SMAD3: variants seen among roughly 807,000 people sequenced by gnomAD.
SMAD3 encodes the protein MAD homolog 3.
Under a neutral mutation model 51.8 loss-of-function variants are expected in SMAD3, and 12 were observed. That is an observed-to-expected ratio of 0.23 (90% confidence interval 0.15 to 0.38). The LOEUF is 0.38. Ranked by LOEUF, SMAD3 falls within the 10% of genes least tolerant of loss-of-function variation. The pLI is 1.00. For missense variants in SMAD3, 294 were observed against 565.6 expected, an observed-to-expected ratio of 0.52 and a Z score of 4.87; for synonymous variants, 238 against 227.7, an observed-to-expected ratio of 1.05 and a Z score of -0.41.
rs1374721238 is a variant in SMAD3, at chr15:67,190,983, C to G, written c.*447C>G. On this transcript the variant is annotated 3_prime_UTR_variant, in exon 9 of 9. Transcript: ENST00000327367. ...CGCAGGGCCATGCAGACCTCATGCC[C>G]AGCTCTCTGACGCTTGTGACAGTGC... 4.0e-6 allele frequency: 1 copy of G among 250,608 alleles called. No individual in the cohort carries two copies. Among genetic ancestry groups the G allele is most frequent in the Non-Finnish European group, 7.8e-6 (1 of 127,946 alleles). 15.5% of individuals were successfully genotyped at this position (250,608 alleles called of 1,614,324 possible).
chr15:67,183,026 TA>T (rs1567000839), intron 6 of SMAD3, among the ~76,000 whole-genome samples: 86 of 69,708 alleles, frequency 1.2e-3, no homozygotes, highest in East Asian at 4.0e-3. Flanking sequence ...TATATATATA[TA>T]TATATTTTTT....
At chr15:67,183,000 A>AAATATAT (rs61323717) in intron 6 of SMAD3, among the ~76,000 whole-genome samples, 4 of 43,648 alleles carry the variant, frequency 9.2e-5, no homozygotes, top group Non-Finnish European at 1.5e-4. Context: ...AAAAAAAAAA[A>AAATATAT]ATATATATAT....
intron 1 of SMAD3, among the ~76,000 whole-genome samples, chr15:67,147,332 C>G (rs1411811539): frequency 1.3e-5 from 2 of 152,220 alleles, no homozygotes; most frequent in African/African-American, 4.8e-5. Context: ...CCACTCTGTT[C>G]TTTCTGCTCT....
chr15:67,130,422 G>A (rs1961496898), intron 1 of SMAD3, among the ~76,000 whole-genome samples: 1 of 152,166 alleles, frequency 6.6e-6, no homozygotes, highest in Non-Finnish European at 1.5e-5. Context: ...GGGCAAGTGA[G>A]CATTACGGCC....
At chr15:67,127,719 AT>A (rs1961425355) in intron 1 of SMAD3, among the ~76,000 whole-genome samples, 1 of 152,150 alleles carries the variant, frequency 6.6e-6, no homozygotes, top group Non-Finnish European at 1.5e-5. Context: ...TTGTACATCC[AT>A]TTATTCACCC....
At chr15:67,150,980 C>T (rs1348133020) in intron 1 of SMAD3, among the ~76,000 whole-genome samples, 1 of 148,816 alleles carries the variant, frequency 6.7e-6, no homozygotes. Flanking sequence ...CTCAGCCTCC[C>T]CAGTAGCTGG....
intron 1 of SMAD3, among the ~76,000 whole-genome samples, chr15:67,077,252 T>C (rs79559143): frequency 0.06 from 9,129 of 152,026 alleles, 382 homozygotes; most frequent in East Asian, 0.15. Flanking sequence ...TATGTATGTA[T>C]GTATGTATTT....
chr15:67,166,892 T>G (rs1482465743), intron 4 of SMAD3, 39 bp downstream of exon 4: 1 of 1,490,762 alleles, frequency 6.7e-7, no homozygotes, highest in African/African-American at 1.4e-5. Flanking sequence ...CTTAACTGAT[T>G]AGCAGCTGGT....
chr15:67,152,756 A>G (rs1016409637), intron 1 of SMAD3, among the ~76,000 whole-genome samples: 5 of 152,132 alleles, frequency 3.3e-5, no homozygotes, highest in African/African-American at 1.2e-4. Context: ...AGCATCTTTT[A>G]TTTGTGACTT....
In SMAD3 at chr15:67,192,769, A is replaced by C; in HGVS notation, c.*2233A>C. On this transcript the variant is annotated 3_prime_UTR_variant, in exon 9 of 9. Coordinates refer to ENST00000327367, the MANE Select transcript of SMAD3 (RefSeq NM_005902.4). ...TCTTACTCCAGGTGAAGGGGGAAAA[A>C]AAAAGCCTATACTTTGGCAGGTTAT... 1 of 233,272 alleles carries C rather than the reference A, an allele frequency of 4.3e-6. No homozygotes were observed. Among genetic ancestry groups the C allele is most frequent in the Non-Finnish European group, 8.5e-6 (1 of 117,982 alleles). The allele number at this position is 233,272 out of a possible 1,614,324, so 14.5% of individuals were successfully genotyped here. A position where few individuals can be genotyped will look rare whatever the true frequency, so the allele number is the denominator to read the frequency against.
chr15:67,091,489 A>G (rs1050795410), intron 1 of SMAD3, among the ~76,000 whole-genome samples: 1 of 152,240 alleles, frequency 6.6e-6, no homozygotes, highest in Non-Finnish European at 1.5e-5. Context: ...AAACCGTTGT[A>G]TCATTGTGGC....
chr15:67,104,000 G>A (rs1960820598), intron 1 of SMAD3, among the ~76,000 whole-genome samples: 1 of 152,190 alleles, frequency 6.6e-6, no homozygotes, highest in African/African-American at 2.4e-5. Context: ...CAGGAAGCCT[G>A]GAGGAAGGAA....
chr15:67,120,990 G>A (rs1054837012), intron 1 of SMAD3, among the ~76,000 whole-genome samples: 1 of 152,282 alleles, frequency 6.6e-6, no homozygotes, highest in South Asian at 2.1e-4. Flanking sequence ...GAGAAAGTGC[G>A]TTTTCTGTTA....
At chr15:67,162,646 C>T (rs2140290665) in intron 1 of SMAD3, among the ~76,000 whole-genome samples, 1 of 152,248 alleles carries the variant, frequency 6.6e-6, no homozygotes, top group East Asian at 1.9e-4. Context: ...CAAGCCAGCT[C>T]TCTCTCATGA....
chr15:67,173,587 C>G (rs1197857932), intron 5 of SMAD3, among the ~76,000 whole-genome samples: 2 of 152,104 alleles, frequency 1.3e-5, no homozygotes, highest in Non-Finnish European at 2.9e-5. Context: ...GGAAAAGACC[C>G]CTGAGTGTCT....
intron 1 of SMAD3, among the ~76,000 whole-genome samples, chr15:67,150,943 C>T (rs963451373): frequency 6.9e-6 from 1 of 145,524 alleles, no homozygotes; most frequent in Non-Finnish European, 1.5e-5. Context: ...GCAACCTCCA[C>T]CTCCCAGGTT....
chr15:67,169,629 T>A (rs942771279), intron 4 of SMAD3, among the ~76,000 whole-genome samples: 9 of 150,910 alleles, frequency 6.0e-5, no homozygotes, highest in African/African-American at 9.7e-5. Flanking sequence ...CTTATTTTTT[T>A]TTTTTTTTTT....
chr15:67,184,910 G>A (rs1963182794), intron 7 of SMAD3, 46 bp downstream of exon 7: 10 of 1,610,514 alleles, frequency 6.2e-6, no homozygotes, highest in Non-Finnish European at 8.5e-6. Context: ...CCCTCTCCGA[G>A]TGCATGCCTA....
chr15:67,079,082 T>C (rs12592283), intron 1 of SMAD3, among the ~76,000 whole-genome samples: 1 of 151,714 alleles, frequency 6.6e-6, no homozygotes, highest in Non-Finnish European at 1.5e-5. Context: ...GGATTCAGGC[T>C]ATTCTCCTGC....
Sources: gnomAD v4.1 joint callset for allele counts (sites outside exome capture counted in the v4.1 genomes callset) on GRCh38, gnomAD v4.1.1 for gene constraint, MANE v1.5 for transcripts, NCBI Gene and HGNC (gene_info 2026-07-23, HGNC 2026-07-21) for gene names.